KANSL1: variants seen among roughly 807,000 people sequenced by gnomAD.
The protein encoded by KANSL1 is KAT8 regulatory NSL complex subunit 1.
KANSL1 carries 22 observed loss-of-function variants against 103.6 expected under a neutral mutation model. The observed-to-expected ratio is 0.21, with a 90% CI of 0.15 to 0.30. The LOEUF (loss-of-function observed/expected upper bound fraction) is 0.30. Ranked by LOEUF, KANSL1 falls within the 10% of genes least tolerant of loss-of-function variation. The pLI, the probability that KANSL1 is intolerant of heterozygous loss-of-function variation, is 1.00. For synonymous variants in KANSL1, 600 were observed against 527.6 expected (o/e 1.14, Z -1.88); for missense variants, 1,337 against 1,399.8 (o/e 0.96, Z 0.72).
At chr17:46,132,330 T>A (rs750142018) in intron 2 of KANSL1, among the ~76,000 whole-genome samples, 1 of 152,208 alleles carries the variant, frequency 6.6e-6, no homozygotes, top group South Asian at 2.1e-4. Context: ...ATAGTGTATA[T>A]AATGCGCTTT....
chr17:46,138,256 G>C (rs1172776391), intron 2 of KANSL1, among the ~76,000 whole-genome samples: 1 of 152,162 alleles, frequency 6.6e-6, no homozygotes, highest in Admixed American at 6.5e-5. Context: ...TGTTCAACTG[G>C]TAAGTACAGC....
rs1311962418 is a variant in KANSL1, at chr17:46,031,195, A to G, written c.*281T>C. ...TAAGATCAGTAAGTCCAGTGATTCA[A>G]CAGTGCAGAGGATGTGCCAGGACCA... On this transcript the variant is annotated 3_prime_UTR_variant, in exon 15 of 15. Coordinates refer to ENST00000432791, the MANE Select transcript of KANSL1 (RefSeq NM_015443.4). The G allele has an allele frequency of 3.8e-6, 2 of 522,622 alleles. No homozygotes were observed. The highest frequency in any genetic ancestry group is 6.9e-6 in the Non-Finnish European group (2 of 290,234). 32.4% of individuals were successfully genotyped at this position (522,622 alleles called of 1,614,324 possible). A position where few individuals can be genotyped will look rare whatever the true frequency, so the allele number is the denominator to read the frequency against.
At chr17:46,092,239 T>C (rs17660337) in intron 3 of KANSL1, among the ~76,000 whole-genome samples, 21,598 of 151,978 alleles carry the variant, frequency 0.14, 2,089 homozygotes, top group Non-Finnish European at 0.22. Context: ...TGATGGTATA[T>C]ACAAAACTCC....
upstream of KANSL1, among the ~76,000 whole-genome samples, chr17:46,197,718 T>C (rs2047660559): frequency 6.6e-6 from 1 of 152,272 alleles, no homozygotes; most frequent in African/African-American, 2.4e-5. Context: ...TCCTCTGAGT[T>C]TGTTTTCATA....
intron 1 of KANSL1, among the ~76,000 whole-genome samples, chr17:46,216,023 G>C (rs758027828): frequency 2.0e-5 from 3 of 152,174 alleles, no homozygotes; most frequent in Non-Finnish European, 4.4e-5. Flanking sequence ...CTGGGGGATA[G>C]AGCGAGACTC....
intron 2 of KANSL1, among the ~76,000 whole-genome samples, chr17:46,119,577 G>A (rs1472406406): frequency 6.6e-6 from 1 of 152,094 alleles, no homozygotes; most frequent in East Asian, 1.9e-4. Flanking sequence ...AAAGCGCTGG[G>A]GATACAGGCG....
At chr17:46,162,619 A>G (rs2045800963) in intron 2 of KANSL1, among the ~76,000 whole-genome samples, 1 of 152,194 alleles carries the variant, frequency 6.6e-6, no homozygotes, top group Non-Finnish European at 1.5e-5. Context: ...CCCTACTTCC[A>G]ATAACCAATT....
chr17:46,045,085 G>C (rs1030472421), intron 7 of KANSL1: 1 of 152,042 alleles, frequency 6.6e-6, no homozygotes, highest in Non-Finnish European at 1.5e-5. Flanking sequence ...GGGTGGCCCA[G>C]TAGTAAAATC....
At chr17:46,162,174 G>A (rs919642875) in intron 2 of KANSL1, among the ~76,000 whole-genome samples, 1 of 152,274 alleles carries the variant, frequency 6.6e-6, no homozygotes, top group Non-Finnish European at 1.5e-5. Flanking sequence ...AATTTTCCCA[G>A]ATGCACAATA....
intron 2 of KANSL1, among the ~76,000 whole-genome samples, chr17:46,101,610 C>T (rs914392571): frequency 3.3e-5 from 5 of 151,836 alleles, no homozygotes; most frequent in African/African-American, 9.7e-5. Flanking sequence ...AAAAATTAGC[C>T]GGGCTTAGTA....
At chr17:46,060,980 T>A (rs1164883621) in intron 6 of KANSL1, among the ~76,000 whole-genome samples, 1 of 151,994 alleles carries the variant, frequency 6.6e-6, no homozygotes. Flanking sequence ...CACTGCCAAT[T>A]TGTTAGGAAA....
intron 1 of KANSL1, among the ~76,000 whole-genome samples, chr17:46,212,343 C>T (rs1368333413): frequency 6.6e-6 from 1 of 152,086 alleles, no homozygotes; most frequent in African/African-American, 2.4e-5. Context: ...GCCTCAGCCT[C>T]CTGAGTAGCT....
At chr17:46,047,252 C>T (rs1035076108) in intron 7 of KANSL1, among the ~76,000 whole-genome samples, 3 of 152,166 alleles carry the variant, frequency 2.0e-5, no homozygotes, top group African/African-American at 7.2e-5. Context: ...AGATGCAGAA[C>T]AGGGGATTAT....
chr17:46,126,373 C>T (rs779838489), intron 2 of KANSL1, among the ~76,000 whole-genome samples: 3 of 152,038 alleles, frequency 2.0e-5, no homozygotes, highest in Admixed American at 6.6e-5. Context: ...ACCCAGGAGG[C>T]GGAGGTTGCA....
chr17:46,066,816 C>G, intron 5 of KANSL1, 84 bp from the exon 6 acceptor site: 1 of 961,704 alleles, frequency 1.0e-6, no homozygotes, highest in Admixed American at 2.5e-5. Flanking sequence ...AGAAACAAAG[C>G]CTCTTATACT....
rs1413043657 is a variant in KANSL1, at chr17:46,147,571, TTAA to T, written c.1289+23281_1289+23283del. Among the ~76,000 whole-genome samples the T allele has an allele frequency of 2.6e-4, 28 of 108,696 alleles. 1 individual carries two copies. The highest frequency in any genetic ancestry group is 1.1e-3 in the African/African-American group (28 of 26,608). The allele number at this position is 108,696 out of a possible 152,430, so 71.3% of individuals were successfully genotyped here. ...AGCCTGGGTGACAGAGTGAGACTCT[TTAA>T]AAAAAAAAAAAAAAAAAAAAAAGAG... On this transcript the variant is annotated intron_variant, in intron 2 of 14. Transcript: ENST00000432791.
At chr17:46,090,483 G>A (rs1242813854) in intron 3 of KANSL1, among the ~76,000 whole-genome samples, 8 of 152,010 alleles carry the variant, frequency 5.3e-5, no homozygotes, top group Non-Finnish European at 8.8e-5. Context: ...TCTTCCTATC[G>A]GAACTCTGAG....
chr17:46,207,030 A>G (rs2047991422), intron 1 of KANSL1, among the ~76,000 whole-genome samples: 1 of 152,248 alleles, frequency 6.6e-6, no homozygotes, highest in South Asian at 2.1e-4. Flanking sequence ...CACCAGAAGG[A>G]GAGGATCCCT....
At chr17:46,097,142 C>T (rs1056674566) in intron 2 of KANSL1, among the ~76,000 whole-genome samples, 4 of 152,190 alleles carry the variant, frequency 2.6e-5, no homozygotes, top group African/African-American at 9.7e-5. Flanking sequence ...TCTAATTCTG[C>T]TGAACTTGGT....
Sources: allele counts gnomAD v4.1 joint callset (sites outside exome capture counted in the v4.1 genomes callset), GRCh38; gene constraint gnomAD v4.1.1; transcripts MANE v1.5; gene names NCBI Gene and HGNC (gene_info 2026-07-23, HGNC 2026-07-21).